The following P2RX5 variants were observed in gnomAD, a reference collection of about 807,000 sequenced individuals.
The protein encoded by P2RX5 is P2X purinoceptor 5.
A neutral mutation model predicts 54.1 loss-of-function variants in P2RX5; 46 were observed. The ratio of observed to expected loss-of-function variants is 0.85; its 90% CI spans 0.67 to 1.09. The LOEUF (loss-of-function observed/expected upper bound fraction) is 1.09, where lower values mean the gene tolerates loss of function less well. P2RX5 is among the 50% of genes least tolerant of loss of function. The pLI, the probability that P2RX5 is intolerant of heterozygous loss-of-function variation, is 0.00. For synonymous variants in P2RX5, 226 were observed against 226.4 expected, an observed-to-expected ratio of 1.00 and a Z score of 0.02; for missense variants, 566 against 549.8, an observed-to-expected ratio of 1.03 and a Z score of -0.29.
At chr17:3,700,514 C>T (rs1191803813), upstream of P2RX5, among the ~76,000 whole-genome samples, 2 of 147,282 alleles carry the variant, frequency 1.4e-5, no homozygotes, top group Admixed American at 6.9e-5. Flanking sequence ...GCCTGGGCGA[C>T]AGAGTGAGAC....
chr17:3,701,734 G>A, the P2RX5 span, among the ~76,000 whole-genome samples: 11 of 143,684 alleles, frequency 7.7e-5, no homozygotes, highest in African/African-American at 2.8e-4. Flanking sequence ...CTTCTAAAGG[G>A]ACATTTTCTC....
Position 3,679,625 on chromosome 17 carries a change from G to C in P2RX5, c.1224C>G (p.Asn408Lys), listed in dbSNP as rs201152395. 16 of 1,608,952 alleles carry C rather than the reference G, an allele frequency of 9.9e-6. No individual in the cohort carries two copies. In the Admixed American group the frequency reaches 2.3e-4, roughly 23 times the overall value. Residue 408 changes from asparagine (N) to lysine (K), a missense_variant, in exon 11 of 12, where the codon AAC (asparagine) becomes AAG (lysine). By Grantham distance (94) the Asn-to-Lys change is moderately conservative (BLOSUM62 0). Transcript: ENST00000225328. ...AKRGSSSQKG[N>K]GSVCPQLLEP... Reference sequence around the variant, plus strand: ...CCAGGAGCTGTGGGCACACAGATCCGTTCCCCTTCTGACTGCTGCTTCCAC... The same window carrying C: ...CCAGGAGCTGTGGGCACACAGATCCCTTCCCCTTCTGACTGCTGCTTCCAC...
At chr17:3,695,820 A>AC in intron 1 of P2RX5, 49 bp downstream of exon 1, 21 of 1,479,286 alleles carry the variant, frequency 1.4e-5, no homozygotes, top group Non-Finnish European at 1.9e-5. Flanking sequence ...GGCGGCTGGC[A>AC]CCCGCCCTGC....
the P2RX5 span, among the ~76,000 whole-genome samples, chr17:3,707,583 A>T: frequency 6.6e-6 from 1 of 152,152 alleles, no homozygotes; most frequent in Non-Finnish European, 1.5e-5. Flanking sequence ...GAGAGGAAAG[A>T]TCACGCCGAG....
the P2RX5 span, among the ~76,000 whole-genome samples, chr17:3,704,805 G>A: frequency 2.0e-5 from 3 of 152,206 alleles, no homozygotes; most frequent in Non-Finnish European, 4.4e-5. Context: ...TCAGGAGTTC[G>A]AGACCAGCCT....
intron 9 of P2RX5, among the ~76,000 whole-genome samples, chr17:3,685,311 C>G (rs946094166): frequency 6.6e-6 from 1 of 152,206 alleles, no homozygotes; most frequent in Non-Finnish European, 1.5e-5. Context: ...GAAAGAGACT[C>G]GGGCTGTCAC....
intron 10 of P2RX5, among the ~76,000 whole-genome samples, chr17:3,680,301 GTCCTCCACCCTGCA>G (rs71362541): frequency 0.11 from 5,491 of 51,524 alleles, 446 homozygotes; most frequent in African/African-American, 0.17. Flanking sequence ...TCCACCCAGT[GTCCTCCACCCTGCA>G]TCCTCCACCC....
chr17:3,697,240 A>C (rs1407947892), upstream of P2RX5, among the ~76,000 whole-genome samples: 1 of 152,124 alleles, frequency 6.6e-6, no homozygotes, highest in Non-Finnish European at 1.5e-5. Flanking sequence ...AACTGTTTGG[A>C]ATGGTTCCCA....
rs2050749911 is a variant in P2RX5, at chr17:3,695,951, C to T, written c.55G>A (p.Glu19Lys). Residue 19 changes from glutamate (E) to lysine (K), a missense_variant, in exon 1 of 12, where the codon GAG becomes AAG. Glu to Lys is a moderately conservative substitution (Grantham distance 56). Transcript: ENST00000225328. The stretch of plus-strand genomic sequence containing the variant: ...TTGTTCTTGGCGATGACATACTTCT[C>T]GGTCTTGTAGTCGAACAGCGACAGG... ...LCLSLFDYKT[E>K]KYVIAKNKKV... 3.7e-6 allele frequency: 6 copies of T among 1,614,006 alleles called. No homozygotes were observed. The highest frequency in any genetic ancestry group is 2.2e-5 in the South Asian group (2 of 91,092).
chr17:3,673,591 C>T lies in P2RX5; in HGVS notation c.*277G>A. 1 of 1,398,272 alleles carries T rather than the reference C, an allele frequency of 7.2e-7. No homozygotes were observed. Among genetic ancestry groups the T allele is most frequent in the South Asian group, 1.5e-5 (1 of 65,614 alleles). 86.6% of individuals were successfully genotyped at this position (1,398,272 alleles called of 1,614,324 possible). ...AGGAAGTCATGTTCCCCATTTACAACCCGTTCCCTAGTGCGGGAAGCCAGC... is the reference window on the plus strand; with the variant it reads ...AGGAAGTCATGTTCCCCATTTACAATCCGTTCCCTAGTGCGGGAAGCCAGC... On this transcript the variant is annotated 3_prime_UTR_variant, in exon 12 of 12. Transcript: ENST00000225328.
chr17:3,720,633 G>C, the P2RX5 span: 1 of 343,790 alleles, frequency 2.9e-6, no homozygotes, highest in East Asian at 6.5e-5. Flanking sequence ...CCAGGCTGGA[G>C]TGAAGTGGTG....
At position 3,679,589 on chromosome 17, in the gene P2RX5, C is replaced by A. The variant is rs747789722; in HGVS notation, c.1259+1G>T. 5.0e-6 allele frequency: 8 copies of A among 1,606,460 alleles called. No homozygotes were observed. In the South Asian group the frequency reaches 7.7e-5, roughly 15 times the overall value. ...GGCTCTCTGCCTAGCAGTGGCCTCA[C>A]CTGTGGGGCTCCAGGAGCTGTGGGC... On this transcript the variant is annotated splice_donor_variant, in intron 11 of 11. Transcript: ENST00000225328. LOFTEE classifies it high-confidence loss of function.
chr17:3,681,343 C>G (rs2050274207), intron 10 of P2RX5, among the ~76,000 whole-genome samples: 1 of 152,160 alleles, frequency 6.6e-6, no homozygotes, highest in African/African-American at 2.4e-5. Context: ...AGGCCGAAGC[C>G]ACAGCCCCTT....
Position 3,695,876 on chromosome 17 carries a change from G to T in P2RX5, c.130C>A (p.Leu44Met). ...AGTCCGCGGAGAACTTACACGACCA[G>T]GTACGCCAGGATGGAGGCCTGCAGC... ...RLLQASILAY[L>M]VVWVFLIKKG... The change falls in exon 1 of 12, where the codon CTG becomes ATG. Residue 44 changes from leucine to methionine, a missense_variant. Physicochemically the swap from Leu to Met is conservative, Grantham distance 15. Coordinates refer to ENST00000225328, the MANE Select transcript of P2RX5 (RefSeq NM_002561.4). 1 of 1,597,644 alleles carries T rather than the reference G, an allele frequency of 6.3e-7. No individual in the cohort carries two copies. Among genetic ancestry groups the T allele is most frequent in the Non-Finnish European group, 8.5e-7 (1 of 1,170,202 alleles).
the P2RX5 span, among the ~76,000 whole-genome samples, chr17:3,707,732 T>TG: frequency 6.6e-6 from 1 of 151,954 alleles, no homozygotes; most frequent in Non-Finnish European, 1.5e-5. Flanking sequence ...CCCCCAGGAC[T>TG]GCAACTGGCT....
chr17:3,689,761 G>A lies in P2RX5; in HGVS notation c.615-131C>T, dbSNP rs1205063763. 6.2e-5 allele frequency: 78 copies of A among 1,254,002 alleles called. 1 individual carries two copies. Among genetic ancestry groups the A allele is most frequent in the Non-Finnish European group, 8.6e-5 (74 of 861,900 alleles). The allele number at this position is 1,254,002 out of a possible 1,614,324, so 77.7% of individuals were successfully genotyped here. A position where few individuals can be genotyped will look rare whatever the true frequency, so the allele number is the denominator to read the frequency against. On this transcript the variant is annotated intron_variant, in intron 6 of 11. Coordinates refer to ENST00000225328, the MANE Select transcript of P2RX5 (RefSeq NM_002561.4). ...CGCAGCAACACCCCACTTTACAGCA[G>A]GGGAAGGGGCGCCCCAGCACCACCC... is the stretch of plus-strand genomic sequence containing the variant.
chr17:3,720,404 TAGA>T, the P2RX5 span: 2 of 1,374,712 alleles, frequency 1.5e-6, no homozygotes, highest in Admixed American at 3.4e-5. Flanking sequence ...TTTTAGTAAC[TAGA>T]AGATGGGGAA....
rs116781002 is a variant in P2RX5 at position 3,682,558 on chromosome 17, G to A, written c.982-580C>T. 1,227 of 176,914 alleles carry A rather than the reference G, an allele frequency of 6.9e-3. 20 individuals are homozygous for A. The highest frequency in any genetic ancestry group is 0.027 in the African/African-American group (1,154 of 42,202). 11.0% of individuals were successfully genotyped at this position (176,914 alleles called of 1,614,324 possible). A position where few individuals can be genotyped will look rare whatever the true frequency, so the allele number is the denominator to read the frequency against. ...GATGCGCTTCTGGAGAAGGGGATGGGGACTGGCCTGTTAGGCTTCTTAGAA... is the reference window on the plus strand; with the variant it reads ...GATGCGCTTCTGGAGAAGGGGATGGAGACTGGCCTGTTAGGCTTCTTAGAA... On this transcript the variant is annotated intron_variant, in intron 9 of 11. Transcript: ENST00000225328.
At chr17:3,691,265 G>A (rs188214102) in intron 2 of P2RX5, among the ~76,000 whole-genome samples, 57 of 152,352 alleles carry the variant, frequency 3.7e-4, no homozygotes, top group Non-Finnish European at 5.3e-4. Flanking sequence ...GGAGAAGTGG[G>A]CGCAGGGCTC....
Sources: allele counts gnomAD v4.1 joint callset (sites outside exome capture counted in the v4.1 genomes callset), GRCh38; gene constraint gnomAD v4.1.1; transcripts MANE v1.5; gene names NCBI Gene and HGNC (gene_info 2026-07-23, HGNC 2026-07-21).